FSCN3: variants seen among roughly 807,000 people sequenced by gnomAD.
FSCN3 encodes fascin-3.
FSCN3 carries 43 observed loss-of-function variants against 53.5 expected under a neutral mutation model. The observed-to-expected ratio is 0.80, with a 90% CI of 0.63 to 1.04. The LOEUF (loss-of-function observed/expected upper bound fraction) is 1.04. Ranked by LOEUF, FSCN3 falls within the 50% of genes least tolerant of loss-of-function variation. The pLI is 0.00. For synonymous variants in FSCN3, 235 were observed against 246.6 expected (o/e 0.95, Z 0.44); for missense variants, 594 against 646.5 (o/e 0.92, Z 0.88).
Position 127,593,798 on chromosome 7 carries a change from T to C in FSCN3, c.-56T>C, listed in dbSNP as rs1197565826. 1 of 1,545,424 alleles carries C rather than the reference T, an allele frequency of 6.5e-7. No individual in the cohort carries two copies. Among genetic ancestry groups the C allele is most frequent in the Non-Finnish European group, 8.8e-7 (1 of 1,142,714 alleles). On this transcript the variant is annotated 5_prime_UTR_variant, in exon 1 of 7. Transcript: ENST00000265825. ...TCCAGGCCCTATGGCCTGTGGAACC[T>C]CACCACGGGGGGGAGGGCTGGGCCA...
chr7:127,601,864 G>A lies in FSCN3; in HGVS notation c.*242G>A, dbSNP rs1794482114. On this transcript the variant is annotated 3_prime_UTR_variant, in exon 7 of 7. Coordinates refer to ENST00000265825, the MANE Select transcript of FSCN3 (RefSeq NM_020369.3). ...GATGAGGGTTGAAACAGACACCCCA[G>A]GCTGCTCTAAGTTCTATACAGGAGA... The A allele has an allele frequency of 6.6e-6, 1 of 152,092 alleles. No individual in the cohort carries two copies. The highest frequency in any genetic ancestry group is 1.5e-5 in the Non-Finnish European group (1 of 68,030). 9.4% of individuals were successfully genotyped at this position (152,092 alleles called of 1,614,324 possible). A position where few individuals can be genotyped will look rare whatever the true frequency, so the allele number is the denominator to read the frequency against.
chr7:127,595,571 A>C lies in FSCN3; in HGVS notation c.409A>C (p.Thr137Pro), dbSNP rs1235447140. 1 of 1,613,148 alleles carries C rather than the reference A, an allele frequency of 6.2e-7. No homozygotes were observed. Among genetic ancestry groups the C allele is most frequent in the Non-Finnish European group, 8.5e-7 (1 of 1,179,794 alleles). The change falls in exon 2 of 7, where the codon ACC becomes CCC. Residue 137 changes from threonine (T) to proline (P), a missense_variant. Coordinates refer to ENST00000265825, the MANE Select transcript of FSCN3 (RefSeq NM_020369.3). Reference sequence around the variant, plus strand: ...CGTCCTCTCAGCTTACCACATGTGGACCCCCCGACCAGCCCTCCATGTCCA... The same window carrying C: ...CGTCCTCTCAGCTTACCACATGTGGCCCCCCCGACCAGCCCTCCATGTCCA... Reference protein sequence around the residue: ...SHVLSAYHMWTPRPALHVHVI... With the variant: ...SHVLSAYHMWPPRPALHVHVI...
intron 1 of FSCN3, among the ~76,000 whole-genome samples, 163 bp downstream of exon 1, chr7:127,594,160 C>CTG (rs749215425): frequency 0.43 from 38,574 of 88,992 alleles, 11,086 homozygotes; most frequent in East Asian, 0.59. Flanking sequence ...AGTGGCCAAG[C>CTG]TGTGTGTGTG....
rs1046505335 is a variant in FSCN3, at chr7:127,599,406, A to G, written c.1146A>G (p.Leu382=). Residue 382 remains leucine, a synonymous_variant, in exon 5 of 7, where the codon TTA becomes TTG. Transcript: ENST00000265825. The part of the protein sequence containing the change: ...LPGPNEEFGI[L]FANRSFLVLR... Reference sequence around the variant, plus strand: ...GCCCAAATGAGGAATTTGGGATTTTATTTGCCAATCGCTCCTTCCTTGTAT... The same window carrying G: ...GCCCAAATGAGGAATTTGGGATTTTGTTTGCCAATCGCTCCTTCCTTGTAT... The G allele has an allele frequency of 1.9e-6, 3 of 1,613,554 alleles. No individual in the cohort carries two copies. The highest frequency in any genetic ancestry group is 2.5e-6 in the Non-Finnish European group (3 of 1,179,692).
Position 127,595,442 on chromosome 7 carries a change from T to G in FSCN3, c.280T>G (p.Cys94Gly), listed in dbSNP as rs531051614. 4 of 1,614,060 alleles carry G rather than the reference T, an allele frequency of 2.5e-6. No individual in the cohort carries two copies. The African/African-American group carries it at 4.0e-5, about 16-fold the overall frequency. Reference sequence around the variant, plus strand: ...CCGCCCAAGGACCAGCCACCATGGGTGCTTTCTACTGCGTTTCCACCGGAA... The same window carrying G: ...CCGCCCAAGGACCAGCCACCATGGGGGCTTTCTACTGCGTTTCCACCGGAA... ...YGRPRTSHHG[C>G]FLLRFHRNSK... Residue 94 changes from cysteine (C) to glycine (G), a missense_variant, in exon 2 of 7, where the codon TGC (cysteine) becomes GGC (glycine). Physicochemically the swap from Cys to Gly is radical, Grantham distance 159. Transcript: ENST00000265825.
At position 127,602,019 on chromosome 7, in the gene FSCN3, A is replaced by C. The variant is rs1439010460; in HGVS notation, c.*397A>C. ...TTAGAATCCAGTTATGACTTTAAAT[A>C]TCTTTTTGGTTTAGAAAAAAGGAAA... On this transcript the variant is annotated 3_prime_UTR_variant, in exon 7 of 7. Transcript: ENST00000265825. 2 of 152,148 alleles carry C rather than the reference A, an allele frequency of 1.3e-5. No homozygotes were observed. The highest frequency in any genetic ancestry group is 2.4e-5 in the African/African-American group (1 of 41,420). The allele number at this position is 152,148 out of a possible 1,614,324, so 9.4% of individuals were successfully genotyped here.
intron 1 of FSCN3, 71 bp from the exon 2 acceptor site, chr7:127,595,236 C>T (rs1794367634): frequency 1.5e-6 from 2 of 1,343,190 alleles, no homozygotes; most frequent in East Asian, 2.3e-5. Flanking sequence ...CCAGCCATGA[C>T]AGTTGCAGGG....
At position 127,595,833 on chromosome 7, in the gene FSCN3, T is replaced by G. The variant is rs200321559; in HGVS notation, c.671T>G (p.Leu224Arg). Residue 224 changes from leucine to arginine, a missense_variant, in exon 2 of 7, where the codon CTT becomes CGT. Coordinates refer to ENST00000265825, the MANE Select transcript of FSCN3 (RefSeq NM_020369.3). ...CACATGCAAGTGCGGCCTGGAGGGC[T>G]TGTGGCACTGTGTGATGGAGAAGGA... Reference protein sequence around the residue: ...AFHMQVRPGGLVALCDGEGGM... With the variant: ...AFHMQVRPGGRVALCDGEGGM... 1 of 1,613,676 alleles carries G rather than the reference T, an allele frequency of 6.2e-7. No individual in the cohort carries two copies. Among genetic ancestry groups the G allele is most frequent in the Admixed American group, 1.7e-5 (1 of 59,982 alleles).
intron 3 of FSCN3, 38 bp from the exon 4 acceptor site, chr7:127,598,397 T>A: frequency 6.3e-7 from 1 of 1,590,772 alleles, no homozygotes. Context: ...AGATTGTCAG[T>A]CCTTACTCCT....
In FSCN3 at chr7:127,596,244, G is replaced by T. The variant is rs538454082; in HGVS notation, c.842-84G>T. 2.8e-4 allele frequency: 438 copies of T among 1,540,482 alleles called. 7 individuals are homozygous for T. In the South Asian group the frequency reaches 4.9e-3, roughly 17 times the overall value. ...CAGAAAGTGATGAAGTTTGAGGAGG[G>T]AGGGACAGAAGCCCCGGTCATAAAA... is the stretch of plus-strand genomic sequence containing the variant. On this transcript the variant is annotated intron_variant, in intron 2 of 6. Coordinates refer to ENST00000265825, the MANE Select transcript of FSCN3 (RefSeq NM_020369.3).
chr7:127,600,273 C>A lies in FSCN3; in HGVS notation c.1371C>A (p.Ile457=). The A allele has an allele frequency of 6.2e-7, 1 of 1,608,564 alleles. No individual in the cohort carries two copies. Among genetic ancestry groups the A allele is most frequent in the Non-Finnish European group, 8.5e-7 (1 of 1,174,852 alleles). The change falls in exon 6 of 7, where the codon ATC becomes ATA. Residue 457 remains isoleucine, a synonymous_variant. Coordinates refer to ENST00000265825, the MANE Select transcript of FSCN3 (RefSeq NM_020369.3). Reference sequence around the variant, plus strand: ...GCAAGTTTGCCCTCAACTTCTGTATCGAGCTTCAGGGGAGCAACTTACTCA... The same window carrying A: ...GCAAGTTTGCCCTCAACTTCTGTATAGAGCTTCAGGGGAGCAACTTACTCA... The part of the protein sequence containing the change: ...PWGKFALNFC[I]ELQGSNLLTV...
intron 3 of FSCN3, among the ~76,000 whole-genome samples, chr7:127,597,992 G>A (rs1054183443): frequency 2.6e-5 from 4 of 152,198 alleles, no homozygotes; most frequent in African/African-American, 9.6e-5. Flanking sequence ...TGAGAAGCAA[G>A]TTTTTAATTT....
At chr7:127,601,586 G>A (rs191830953) in intron 6 of FSCN3, 37 bp from the exon 7 acceptor site, 7 of 152,282 alleles carry the variant, frequency 4.6e-5, no homozygotes, top group Admixed American at 4.6e-4. Flanking sequence ...TGACTGACTT[G>A]ATTGCTGACC....
chr7:127,600,442 A>C, intron 6 of FSCN3, 43 bp downstream of exon 6: 1 of 1,221,620 alleles, frequency 8.2e-7, no homozygotes, highest in Non-Finnish European at 1.2e-6. Flanking sequence ...AGCAGAAGCC[A>C]TGGGGCAAGA....
chr7:127,594,350 AG>A, intron 1 of FSCN3: 1 of 417,876 alleles, frequency 2.4e-6, no homozygotes, highest in South Asian at 1.8e-5. Context: ...TGCCAGTGCC[AG>A]GCCTGAGACT....
rs557169819 is a variant in FSCN3 at position 127,594,066 on chromosome 7, G to A, written c.144+69G>A. 728 of 1,530,374 alleles carry A rather than the reference G, an allele frequency of 4.8e-4. 8 individuals carry two copies. In the East Asian group the frequency reaches 0.013, roughly 28 times the overall value. 94.8% of individuals were successfully genotyped at this position (1,530,374 alleles called of 1,614,324 possible). A position where few individuals can be genotyped will look rare whatever the true frequency, so the allele number is the denominator to read the frequency against. ...AAGCTGTGTGTGTGTGTGTGCGCGC[G>A]CGCGTGTGTGTGCGTGAGTGTATGT... On this transcript the variant is annotated intron_variant, in intron 1 of 6. Coordinates refer to ENST00000265825, the MANE Select transcript of FSCN3 (RefSeq NM_020369.3).
chr7:127,594,518 A>G (rs1166421768), intron 1 of FSCN3: 1 of 470,708 alleles, frequency 2.1e-6, no homozygotes, highest in African/African-American at 2.0e-5. Flanking sequence ...GTCAGAAAGA[A>G]GAGAAGTGGA....
chr7:127,598,352 A>G (rs571998333), intron 3 of FSCN3, 83 bp from the exon 4 acceptor site: 2 of 1,274,032 alleles, frequency 1.6e-6, no homozygotes, highest in African/African-American at 1.5e-5. Flanking sequence ...ATGTGGGAAG[A>G]GGGTCTAGGA....
chr7:127,598,594 G>A lies in FSCN3; in HGVS notation c.1120G>A (p.Gly374Ser), dbSNP rs1210894654. The A allele has an allele frequency of 1.2e-6, 2 of 1,601,388 alleles. No individual in the cohort carries two copies. Among genetic ancestry groups the A allele is most frequent in the Non-Finnish European group, 1.7e-6 (2 of 1,171,690 alleles). The change falls in exon 4 of 7, where the codon GGC (glycine) becomes AGC (serine). Residue 374 changes from glycine to serine, a missense_variant and splice_region_variant. Coordinates refer to ENST00000265825, the MANE Select transcript of FSCN3 (RefSeq NM_020369.3). Reference protein sequence around the residue: ...SLLMANVILPGPNEEFGILFA... With the variant: ...SLLMANVILPSPNEEFGILFA... ...GCTGATGGCCAATGTCATCCTTCCA[G>A]GTGAGTGGAGCAGCCTTCCTGCCAG...
Sources: allele counts gnomAD v4.1 joint callset (sites outside exome capture counted in the v4.1 genomes callset), GRCh38; gene constraint gnomAD v4.1.1; transcripts MANE v1.5; gene names NCBI Gene and HGNC (gene_info 2026-07-23, HGNC 2026-07-21).